Variants in CDCA5 observed in about 807,000 individuals in gnomAD.
CDCA5 encodes the protein cell division cycle associated 5.
Under a neutral mutation model 25.7 loss-of-function variants are expected in CDCA5, and 14 were observed. The observed-to-expected ratio is 0.54, with a 90% confidence interval of 0.36 to 0.85. The LOEUF (loss-of-function observed/expected upper bound fraction) is 0.85. CDCA5 is among the 40% of genes least tolerant of loss of function. The pLI is 0.01. For missense variants in CDCA5, 307 were observed against 324.5 expected, an observed-to-expected ratio of 0.95 and a Z score of 0.41; for synonymous variants, 127 against 128.7, an observed-to-expected ratio of 0.99 and a Z score of 0.09.
At chr11:65,071,829 C>T (rs530039333) in intron 1 of CDCA5, among the ~76,000 whole-genome samples, 13 of 152,270 alleles carry the variant, frequency 8.5e-5, no homozygotes, top group African/African-American at 2.9e-4. Context: ...CAGCCAAGCA[C>T]AGACAGATGC....
In CDCA5 at chr11:65,083,665, A is replaced by G. The variant is rs1947623848; in HGVS notation, c.105T>C (p.Ser35=). Reference sequence around the variant, plus strand: ...TTTCAGGGAGGATGCTCGGGAGTTCAGAGCCTGATTTCCGCTGGGACCTCC... The same window carrying G: ...TTTCAGGGAGGATGCTCGGGAGTTCGGAGCCTGATTTCCGCTGGGACCTCC... ...PLRRSQRKSG[S]ELPSILPEIW... The change falls in exon 2 of 6, where the codon TCT becomes TCC. Residue 35 remains serine (S), a synonymous_variant. Coordinates refer to ENST00000275517, the MANE Select transcript of CDCA5 (RefSeq NM_080668.4). 6.2e-7 allele frequency: 1 copy of G among 1,614,118 alleles called. No homozygotes were observed. The highest frequency in any genetic ancestry group is 8.5e-7 in the Non-Finnish European group (1 of 1,180,040).
intron 5 of CDCA5, 77 bp from the exon 6 acceptor site, chr11:65,079,264 G>A: frequency 6.2e-7 from 1 of 1,605,896 alleles, no homozygotes; most frequent in South Asian, 1.1e-5. Context: ...CACCCTGCAG[G>A]TGCTGCCTAT....
downstream of CDCA5, among the ~76,000 whole-genome samples, chr11:65,064,971 T>C (rs115664921): frequency 9.2e-3 from 1,398 of 152,294 alleles, 21 homozygotes; most frequent in African/African-American, 0.031. Flanking sequence ...TCAGTTACTT[T>C]GCCCAGGCCT....
chr11:65,073,211 C>T (rs770723859), downstream of CDCA5, among the ~76,000 whole-genome samples: 1 of 152,062 alleles, frequency 6.6e-6, no homozygotes, highest in Non-Finnish European at 1.5e-5. Context: ...TCCCAAAGTG[C>T]TGGGATTACA....
intron 4 of CDCA5, chr11:65,083,105 A>G (rs752801548): frequency 1.4e-4 from 73 of 540,184 alleles, no homozygotes; most frequent in Non-Finnish European, 2.2e-4. Context: ...TTAGAAAGGC[A>G]GTACGTGGAG....
chr11:65,081,250 C>T (rs1200145345), intron 4 of CDCA5, among the ~76,000 whole-genome samples: 1 of 152,070 alleles, frequency 6.6e-6, no homozygotes, highest in East Asian at 1.9e-4. Flanking sequence ...CATAGTGAAA[C>T]CCCATCTCTA....
rs770640259 is a variant in CDCA5, at chr11:65,083,699, TTAG to T, written c.68_70del (p.Thr23del). 2.3e-5 allele frequency: 37 copies of T among 1,613,890 alleles called. No homozygotes were observed. Among genetic ancestry groups the T allele is most frequent in the Non-Finnish European group, 3.0e-5 (35 of 1,179,974 alleles). ...TTTCCGCTGGGACCTCCGCAGAGGC[TTAG>T]TAGGAGATGGGGCCCTTGGCCCTGG... On this transcript the variant is annotated inframe_deletion, in exon 2 of 6. Transcript: ENST00000275517.
intron 4 of CDCA5, among the ~76,000 whole-genome samples, chr11:65,082,264 G>A (rs1456226398): frequency 6.6e-6 from 1 of 152,126 alleles, no homozygotes; most frequent in Non-Finnish European, 1.5e-5. Flanking sequence ...GCTGCCCACA[G>A]ACCCAAGAAT....
intron 1 of CDCA5, among the ~76,000 whole-genome samples, chr11:65,070,708 C>G (rs903658548): frequency 6.6e-6 from 1 of 152,096 alleles, no homozygotes. Context: ...TCTCGAACTC[C>G]TGGGCTCAAG....
downstream of CDCA5, among the ~76,000 whole-genome samples, chr11:65,074,553 ATTACACTC>A (rs1484960829): frequency 6.6e-6 from 1 of 151,952 alleles, no homozygotes; most frequent in East Asian, 1.9e-4. Context: ...CTCTGGTCTT[ATTACACTC>A]AGGTGTGAAA....
chr11:65,072,528 T>G (rs1269294575), downstream of CDCA5, among the ~76,000 whole-genome samples: 3 of 152,200 alleles, frequency 2.0e-5, no homozygotes, highest in African/African-American at 7.2e-5. Flanking sequence ...GAATTTGTGC[T>G]GTGGGAGGCT....
At chr11:65,082,459 CTTT>C (rs35061489) in intron 4 of CDCA5, among the ~76,000 whole-genome samples, 11 of 103,058 alleles carry the variant, frequency 1.1e-4, no homozygotes, top group South Asian at 3.0e-4. Context: ...ACCTACTTGT[CTTT>C]TTTTTTTTTT....
chr11:65,081,770 G>A (rs1947571925), intron 4 of CDCA5, among the ~76,000 whole-genome samples: 2 of 151,966 alleles, frequency 1.3e-5, no homozygotes, highest in South Asian at 4.1e-4. Context: ...GTTCAAGACC[G>A]GCCTGGGCAA....
chr11:65,067,423 TGA>T, intron 4 of CDCA5, among the ~76,000 whole-genome samples: 1 of 152,164 alleles, frequency 6.6e-6, no homozygotes, highest in Non-Finnish European at 1.5e-5. Flanking sequence ...CAGCATTACC[TGA>T]GAGGGGCGAG....
intron 4 of CDCA5, among the ~76,000 whole-genome samples, chr11:65,081,286 G>A (rs546560659): frequency 6.7e-6 from 1 of 149,486 alleles, no homozygotes; most frequent in African/African-American, 2.5e-5. Context: ...AAATTAGCCA[G>A]GTGTGGTAGC....
intron 4 of CDCA5, among the ~76,000 whole-genome samples, chr11:65,080,749 C>T (rs1947548138): frequency 6.6e-6 from 1 of 152,200 alleles, no homozygotes; most frequent in Admixed American, 6.5e-5. Flanking sequence ...AAGTATTTAT[C>T]AGTCACCTGT....
exon 7 of CDCA5, chr11:65,066,419 G>T (rs548860672): frequency 7.2e-6 from 9 of 1,253,310 alleles, no homozygotes; most frequent in Non-Finnish European, 9.3e-6. Context: ...CTCTGTGGTC[G>T]TGGGGCAGGT....
chr11:65,066,355 T>C (rs1421698596), downstream of CDCA5: 3 of 1,174,102 alleles, frequency 2.6e-6, no homozygotes, highest in Non-Finnish European at 3.2e-6. Flanking sequence ...AGGAGCGGCC[T>C]CCCGAGGAGG....
At position 65,077,527 on chromosome 11, in the gene CDCA5, G is replaced by T. The variant is rs1201909098; in HGVS notation, c.*1580C>A. 2 of 985,174 alleles carry T rather than the reference G, an allele frequency of 2.0e-6. No individual in the cohort carries two copies. The highest frequency in any genetic ancestry group is 3.5e-5 in the African/African-American group (2 of 57,192). 61.0% of individuals were successfully genotyped at this position (985,174 alleles called of 1,614,324 possible). The stretch of plus-strand genomic sequence containing the variant: ...AAATCCCATTTTTTCCTTAAATTTA[G>T]TTCCTCAGGAACAGAGAACTTTGCA... On this transcript the variant is annotated 3_prime_UTR_variant, in exon 6 of 6. Coordinates refer to ENST00000275517, the MANE Select transcript of CDCA5 (RefSeq NM_080668.4).
Sources: gnomAD v4.1 joint callset for allele counts (sites outside exome capture counted in the v4.1 genomes callset) on GRCh38, gnomAD v4.1.1 for gene constraint, MANE v1.5 for transcripts, NCBI Gene and HGNC (gene_info 2026-07-23, HGNC 2026-07-21) for gene names.